The following NHSL2 variants were observed in gnomAD, a reference collection of about 807,000 sequenced individuals.
The protein encoded by NHSL2 is NHS like 2.
NHSL2 carries 27 observed loss-of-function variants against 53.4 expected under a neutral mutation model. The observed-to-expected ratio is 0.51, with a 90% CI of 0.37 to 0.70. The LOEUF (loss-of-function observed/expected upper bound fraction) is 0.70, where lower values mean the gene tolerates loss of function less well. Among genes scored for constraint, NHSL2 ranks in the 30% least tolerant of loss-of-function variants. The pLI, the probability that NHSL2 is intolerant of heterozygous loss-of-function variation, is 0.00. For missense variants in NHSL2, 892 were observed against 980.1 expected (o/e 0.91, Z 1.20); for synonymous variants, 408 against 404.1 (o/e 1.01, Z -0.12).
At chrX:71,958,165 T>C (rs1296573642) in intron 1 of NHSL2, among the ~76,000 whole-genome samples, 1 of 110,910 alleles carries the variant, frequency 9.0e-6, no homozygotes, top group African/African-American at 3.3e-5. Flanking sequence ...TCCCTTAGTA[T>C]ATCCTCAGAG....
At position 72,147,184 on chromosome X, in the gene NHSL2, C is replaced by T. The variant is rs1268811512; in HGVS notation, c.*3610C>T. ...AAGTTGGGAAAAAGATGAGTTCATG[C>T]TCAGTGCTCTGTTCCTCACTCGTTC... On this transcript the variant is annotated 3_prime_UTR_variant, in exon 8 of 8. Transcript: ENST00000633930. 8.9e-6 allele frequency: 1 copy of T among 112,268 alleles called. No individual in the cohort carries two copies. The highest frequency in any genetic ancestry group is 1.9e-5 in the Non-Finnish European group (1 of 53,268). 9.3% of individuals were successfully genotyped at this position (112,268 alleles called of 1,213,427 possible). A position where few individuals can be genotyped will look rare whatever the true frequency, so the allele number is the denominator to read the frequency against.
rs754886255 is a variant in NHSL2, at chrX:71,912,979, G to A, written c.280+1612G>A. Among the ~76,000 whole-genome samples, 14 of 112,058 alleles carry A rather than the reference G, an allele frequency of 1.2e-4. No individual in the cohort carries two copies. In the East Asian group the frequency reaches 3.9e-3, roughly 31 times the overall value. Reference sequence around the variant, plus strand: ...CCTAACCCTCTCCGGTGATCTGCCAGGTTAGAAGGAGATGGCTTTATGCAA... The same window carrying A: ...CCTAACCCTCTCCGGTGATCTGCCAAGTTAGAAGGAGATGGCTTTATGCAA... On this transcript the variant is annotated intron_variant, in intron 1 of 7. Transcript: ENST00000633930.
intron 1 of NHSL2, among the ~76,000 whole-genome samples, chrX:72,050,567 C>T (rs965060762): frequency 8.9e-6 from 1 of 111,923 alleles, no homozygotes; most frequent in Non-Finnish European, 1.9e-5. Context: ...TTAACATTTG[C>T]GTCATGTTTG....
rs2042154246 is a variant in NHSL2, at chrX:72,020,323, G to T, written c.280+108956G>T. Among the ~76,000 whole-genome samples, 3 of 112,514 alleles carry T rather than the reference G, an allele frequency of 2.7e-5. No homozygotes were observed. The South Asian group carries it at 1.1e-3, about 41-fold the overall frequency. Reference sequence around the variant, plus strand: ...TGTGTTCCCAGCAAAAGCATGAGCTGGGGACAGTTCTCTCTTTCTCTCCAT... The same window carrying T: ...TGTGTTCCCAGCAAAAGCATGAGCTTGGGACAGTTCTCTCTTTCTCTCCAT... On this transcript the variant is annotated intron_variant, in intron 1 of 7. Transcript: ENST00000633930.
At chrX:72,089,249 TAAA>T (rs11349378) in intron 1 of NHSL2, among the ~76,000 whole-genome samples, 7 of 101,190 alleles carry the variant, frequency 6.9e-5, no homozygotes, top group African/African-American at 2.5e-4. Context: ...GAGGATTTGT[TAAA>T]AAAAAAAAAA....
chrX:71,947,375 G>C (rs1363896333), intron 1 of NHSL2, among the ~76,000 whole-genome samples: 1 of 112,157 alleles, frequency 8.9e-6, no homozygotes, highest in African/African-American at 3.2e-5. Flanking sequence ...TCCCGGAACC[G>C]GATTGAAAGG....
intron 1 of NHSL2, among the ~76,000 whole-genome samples, chrX:71,985,846 C>T (rs2042000765): frequency 9.0e-6 from 1 of 111,719 alleles, no homozygotes; most frequent in Non-Finnish European, 1.9e-5. Flanking sequence ...AACCTGCATT[C>T]AAGAACACCT....
At chrX:72,011,701 C>T (rs189070066) in intron 1 of NHSL2, among the ~76,000 whole-genome samples, 97 of 111,671 alleles carry the variant, frequency 8.7e-4, no homozygotes, top group African/African-American at 2.9e-3. Context: ...AACTGTTTTC[C>T]AGAGCGGCTG....
chrX:71,951,040 A>ACACACACACACAC (rs35096488), intron 1 of NHSL2, among the ~76,000 whole-genome samples: 3 of 109,905 alleles, frequency 2.7e-5, no homozygotes, highest in African/African-American at 6.6e-5. Context: ...ACACACACAC[A>ACACACACACACAC]AATACCTGGC....
At chrX:72,041,762 CAG>C (rs1170088382) in intron 1 of NHSL2, among the ~76,000 whole-genome samples, 1 of 112,134 alleles carries the variant, frequency 8.9e-6, no homozygotes. Flanking sequence ...AGAAAACAAT[CAG>C]GGGAGGGTTT....
At chrX:71,927,193 G>A (rs1469195568) in intron 1 of NHSL2, among the ~76,000 whole-genome samples, 1 of 112,207 alleles carries the variant, frequency 8.9e-6, no homozygotes, top group Non-Finnish European at 1.9e-5. Context: ...TTCTTCCTTC[G>A]TCTCATTCAC....
At chrX:71,916,510 C>T in intron 1 of NHSL2, among the ~76,000 whole-genome samples, 1 of 111,371 alleles carries the variant, frequency 9.0e-6, no homozygotes, top group Non-Finnish European at 1.9e-5. Flanking sequence ...GCTAAAGACC[C>T]AGAGGTGAAT....
chrX:72,059,942 G>A (rs1204909367), intron 1 of NHSL2, among the ~76,000 whole-genome samples: 1 of 111,883 alleles, frequency 8.9e-6, no homozygotes, highest in African/African-American at 3.3e-5. Flanking sequence ...TTCTATCAGC[G>A]GTTATGAAGC....
chrX:72,138,207 T>C (rs2042376478), intron 5 of NHSL2, among the ~76,000 whole-genome samples: 1 of 111,925 alleles, frequency 8.9e-6, no homozygotes, highest in Non-Finnish European at 1.9e-5. Context: ...TAATCAAAGC[T>C]GGAAAGTATT....
intron 1 of NHSL2, chrX:72,069,667 G>A (rs968363640): frequency 1.1e-6 from 1 of 938,458 alleles, no homozygotes; most frequent in Non-Finnish European, 1.3e-6. Flanking sequence ...CCGCCGCGGT[G>A]GCTGCCAGTC....
At chrX:71,939,614 C>T (rs760561129) in intron 1 of NHSL2, among the ~76,000 whole-genome samples, 1 of 111,790 alleles carries the variant, frequency 8.9e-6, no homozygotes, top group Admixed American at 9.4e-5. Context: ...GGCTCTGAAG[C>T]CAACCTGTCT....
chrX:71,916,867 A>AT (rs1323874957), intron 1 of NHSL2, among the ~76,000 whole-genome samples: 1 of 112,503 alleles, frequency 8.9e-6, no homozygotes, highest in Non-Finnish European at 1.9e-5. Context: ...AGTAGTGCTT[A>AT]TTCAGTCCAT....
chrX:72,044,396 G>A, intron 1 of NHSL2: 1 of 410,586 alleles, frequency 2.4e-6, no homozygotes, highest in Admixed American at 4.3e-5. Flanking sequence ...TCCTAAACAA[G>A]AACTTACAAC....
At chrX:71,991,767 G>C (rs981535537) in intron 1 of NHSL2, among the ~76,000 whole-genome samples, 5 of 111,548 alleles carry the variant, frequency 4.5e-5, no homozygotes, top group Non-Finnish European at 7.5e-5. Flanking sequence ...GTGTGTGCTA[G>C]AAGCATTTCT....
Sources: allele counts gnomAD v4.1 joint callset (sites outside exome capture counted in the v4.1 genomes callset), GRCh38; gene constraint gnomAD v4.1.1; transcripts MANE v1.5; gene names NCBI Gene and HGNC (gene_info 2026-07-23, HGNC 2026-07-21).